Variants in NCKAP5 observed in about 807,000 individuals in gnomAD.
NCKAP5 encodes nck-associated protein 5.
Under a neutral mutation model 167.0 loss-of-function variants are expected in NCKAP5, and 92 were observed. The observed-to-expected ratio is 0.55, with a 90% CI of 0.47 to 0.66. The LOEUF is 0.66. Among genes scored for constraint, NCKAP5 ranks in the 30% least tolerant of loss-of-function variants. The pLI is 0.00. For missense variants in NCKAP5, 2,378 were observed against 2,315.0 expected (o/e 1.03, Z -0.56); for synonymous variants, 891 against 877.4 (o/e 1.02, Z -0.27).
At chr2:133,129,178 C>T (rs1374562547) in intron 6 of NCKAP5, among the ~76,000 whole-genome samples, 4 of 151,274 alleles carry the variant, frequency 2.6e-5, no homozygotes, top group African/African-American at 7.3e-5. Context: ...ATGTGCCATG[C>T]TGGTGTGCTG....
the NCKAP5 span, among the ~76,000 whole-genome samples, chr2:133,622,481 T>C: frequency 9.9e-5 from 15 of 152,106 alleles, no homozygotes; most frequent in African/African-American, 3.1e-4. Flanking sequence ...AACTCTGCTA[T>C]ATACTATCAG....
chr2:132,846,131 G>A (rs1046649869), intron 11 of NCKAP5, among the ~76,000 whole-genome samples: 2 of 152,002 alleles, frequency 1.3e-5, no homozygotes, highest in East Asian at 1.9e-4. Context: ...TAATATCAGC[G>A]TACCTTGGTG....
chr2:133,583,783 T>C, the NCKAP5 span, among the ~76,000 whole-genome samples: 1 of 152,108 alleles, frequency 6.6e-6, no homozygotes, highest in Non-Finnish European at 1.5e-5. Context: ...AGGTGGAGTC[T>C]CGCTCTGTCG....
intron 5 of NCKAP5, among the ~76,000 whole-genome samples, chr2:133,153,675 C>T (rs2083460095): frequency 6.6e-6 from 1 of 151,912 alleles, no homozygotes; most frequent in South Asian, 2.1e-4. Context: ...AACACTCTCT[C>T]CTGTGTCCAC....
chr2:132,739,783 T>C (rs1217221552), intron 16 of NCKAP5, among the ~76,000 whole-genome samples: 1 of 152,146 alleles, frequency 6.6e-6, no homozygotes, highest in Non-Finnish European at 1.5e-5. Context: ...TAATGAATGA[T>C]GAATATGCAC....
At position 132,925,418 on chromosome 2, in the gene NCKAP5, C is replaced by G. The variant is rs536067195; in HGVS notation, c.579+38302G>C. Among the ~76,000 whole-genome samples, 395 of 151,742 alleles carry G rather than the reference C, an allele frequency of 2.6e-3. 2 individuals are homozygous for G. Among genetic ancestry groups the G allele is most frequent in the African/African-American group, 9.2e-3 (379 of 41,366 alleles). The stretch of plus-strand genomic sequence containing the variant: ...AAGTACAAAAAAAAAAAAAATTAGC[C>G]GGGCATGGTGGCAGGCACCTGTAGT... On this transcript the variant is annotated intron_variant, in intron 8 of 19. Transcript: ENST00000409261.
At chr2:133,163,596 G>A (rs2083885802) in intron 5 of NCKAP5, among the ~76,000 whole-genome samples, 1 of 152,170 alleles carries the variant, frequency 6.6e-6, no homozygotes, top group African/African-American at 2.4e-5. Flanking sequence ...ACTCAAAAAT[G>A]CGTAACTTCT....
chr2:132,996,414 C>A (rs1283877213), intron 6 of NCKAP5, among the ~76,000 whole-genome samples: 2 of 152,220 alleles, frequency 1.3e-5, no homozygotes, highest in African/African-American at 2.4e-5. Context: ...CACCCATTCC[C>A]ATTTCCAGAC....
rs143852203 is a variant in NCKAP5 at position 133,028,494 on chromosome 2, A to G, written c.342-34255T>C. Among the ~76,000 whole-genome samples, 50 of 152,276 alleles carry G rather than the reference A, an allele frequency of 3.3e-4. No individual in the cohort carries two copies. In the East Asian group the frequency reaches 9.1e-3, roughly 28 times the overall value. On this transcript the variant is annotated intron_variant, in intron 6 of 19. Transcript: ENST00000409261. ...GTACCTCTAAGAGTAATTTATATCCATACAATACTCCTCTTGCTGCATTGC... is the reference window on the plus strand; with the variant it reads ...GTACCTCTAAGAGTAATTTATATCCGTACAATACTCCTCTTGCTGCATTGC...
At chr2:133,344,528 T>TAC (rs1683830542) in intron 3 of NCKAP5, among the ~76,000 whole-genome samples, 1 of 151,870 alleles carries the variant, frequency 6.6e-6, no homozygotes, top group Non-Finnish European at 1.5e-5. Context: ...GCAAAGGTAC[T>TAC]CTCTGCAAAA....
At chr2:133,283,361 A>T (rs1389528426) in intron 4 of NCKAP5, among the ~76,000 whole-genome samples, 2 of 152,138 alleles carry the variant, frequency 1.3e-5, no homozygotes, top group African/African-American at 4.8e-5. Flanking sequence ...ATTCAGCAGC[A>T]CACACTAGAC....
chr2:133,655,349 T>A, the NCKAP5 span, among the ~76,000 whole-genome samples: 1 of 152,196 alleles, frequency 6.6e-6, no homozygotes, highest in African/African-American at 2.4e-5. Flanking sequence ...TGGTTTAGTT[T>A]CTCTTTTTTG....
chr2:132,845,882 T>C (rs1558850338), intron 11 of NCKAP5, among the ~76,000 whole-genome samples: 1 of 152,194 alleles, frequency 6.6e-6, no homozygotes, highest in Non-Finnish European at 1.5e-5. Context: ...AATTAACATT[T>C]TTATAACATT....
At chr2:133,614,614 A>G in the NCKAP5 span, among the ~76,000 whole-genome samples, 1 of 152,210 alleles carries the variant, frequency 6.6e-6, no homozygotes, top group Non-Finnish European at 1.5e-5. Context: ...GAATAAAAAG[A>G]AACGAACAAA....
At chr2:132,990,468 C>T (rs2149297935) in intron 7 of NCKAP5, among the ~76,000 whole-genome samples, 1 of 152,286 alleles carries the variant, frequency 6.6e-6, no homozygotes, top group Non-Finnish European at 1.5e-5. Context: ...TAATACCTAT[C>T]CTCAAAACAT....
chr2:132,697,910 T>C (rs1460563775), intron 19 of NCKAP5, among the ~76,000 whole-genome samples: 2 of 152,220 alleles, frequency 1.3e-5, no homozygotes, highest in Non-Finnish European at 2.9e-5. Flanking sequence ...CATAGCTGTG[T>C]AGGTTTAGTT....
At chr2:133,423,424 G>C (rs1378922717) in intron 3 of NCKAP5, among the ~76,000 whole-genome samples, 1 of 152,200 alleles carries the variant, frequency 6.6e-6, no homozygotes, top group East Asian at 1.9e-4. Context: ...GTGAAGTGAA[G>C]CTGCACCTCA....
intron 6 of NCKAP5, among the ~76,000 whole-genome samples, chr2:133,013,083 C>A (rs2078217893): frequency 6.6e-6 from 1 of 152,204 alleles, no homozygotes; most frequent in Non-Finnish European, 1.5e-5. Flanking sequence ...TCTGACTCCA[C>A]TGTCTACATT....
chr2:133,167,203 T>G (rs2084035408), intron 5 of NCKAP5, among the ~76,000 whole-genome samples: 1 of 152,220 alleles, frequency 6.6e-6, no homozygotes, highest in Admixed American at 6.5e-5. Context: ...GTGACAACAC[T>G]TAGTGTCAGC....
Sources: allele counts gnomAD v4.1 joint callset (sites outside exome capture counted in the v4.1 genomes callset), GRCh38; gene constraint gnomAD v4.1.1; transcripts MANE v1.5; gene names NCBI Gene and HGNC (gene_info 2026-07-23, HGNC 2026-07-21).